The following DENND1B variants were observed in gnomAD, a reference collection of about 807,000 sequenced individuals.
DENND1B encodes the protein DENN domain-containing protein 1B.
Under a neutral mutation model 90.1 loss-of-function variants are expected in DENND1B, and 59 were observed. The observed-to-expected ratio is 0.65, with a 90% CI of 0.53 to 0.81. DENND1B has a LOEUF of 0.81. Ranked by LOEUF, DENND1B falls within the 40% of genes least tolerant of loss-of-function variation. The pLI is 0.00. For missense variants in DENND1B, 862 were observed against 912.6 expected (o/e 0.94, Z 0.71); for synonymous variants, 337 against 324.6 (o/e 1.04, Z -0.41).
chr1:197,670,682 A>G (rs1655414506), intron 5 of DENND1B, among the ~76,000 whole-genome samples: 1 of 152,070 alleles, frequency 6.6e-6, no homozygotes, highest in African/African-American at 2.4e-5. Context: ...TGGTCTTTCC[A>G]TTAGGGCAAA....
At chr1:197,781,110 C>T in the DENND1B span, among the ~76,000 whole-genome samples, 1 of 152,126 alleles carries the variant, frequency 6.6e-6, no homozygotes, top group African/African-American at 2.4e-5. Flanking sequence ...AAATAATAAA[C>T]ACTATTGTAA....
At chr1:197,662,155 T>A (rs1047681122) in intron 5 of DENND1B, among the ~76,000 whole-genome samples, 1 of 152,078 alleles carries the variant, frequency 6.6e-6, no homozygotes, top group South Asian at 2.1e-4. Context: ...GCTTTACCCT[T>A]ATGGGATATT....
intron 20 of DENND1B, among the ~76,000 whole-genome samples, chr1:197,539,178 T>C (rs1400635916): frequency 2.0e-5 from 3 of 152,162 alleles, no homozygotes; most frequent in Admixed American, 6.5e-5. Context: ...TTCGCCTCCT[T>C]CTGCCACTGA....
chr1:197,721,635 T>C (rs1406454857), intron 2 of DENND1B, among the ~76,000 whole-genome samples: 2 of 151,950 alleles, frequency 1.3e-5, no homozygotes, highest in Non-Finnish European at 2.9e-5. Flanking sequence ...TATATATTTA[T>C]AAAAAATATA....
intron 10 of DENND1B, among the ~76,000 whole-genome samples, chr1:197,623,207 T>C (rs936407779): frequency 1.4e-4 from 21 of 151,342 alleles, no homozygotes; most frequent in Admixed American, 2.6e-4. Context: ...CCAAGAAACA[T>C]GTATTAGAGA....
intron 9 of DENND1B, among the ~76,000 whole-genome samples, chr1:197,645,425 C>T (rs1680643819): frequency 6.6e-6 from 1 of 151,930 alleles, no homozygotes. Context: ...TACCTAATTA[C>T]TACAAATGAT....
At chr1:197,741,101 T>C (rs1663171313) in intron 2 of DENND1B, among the ~76,000 whole-genome samples, 1 of 152,190 alleles carries the variant, frequency 6.6e-6, no homozygotes, top group Non-Finnish European at 1.5e-5. Context: ...TTCTCTAGGC[T>C]ACAAAGAGAA....
chr1:197,658,218 T>G, intron 6 of DENND1B, 82 bp downstream of exon 6: 1 of 1,110,344 alleles, frequency 9.0e-7, no homozygotes, highest in Non-Finnish European at 1.4e-6. Context: ...CACAAAACTA[T>G]ACACTTAAAA....
intron 15 of DENND1B, among the ~76,000 whole-genome samples, chr1:197,554,832 CAAAAAAAA>C (rs11440581): frequency 7.2e-5 from 5 of 69,402 alleles, no homozygotes; most frequent in African/African-American, 3.2e-4. Context: ...GACTCCATCT[CAAAAAAAA>C]AAAAAAAAAA....
rs1654292562 is a variant in DENND1B, at chr1:197,660,403, CATCAATCTCAACT to C, written c.297-2047_297-2035del. On this transcript the variant is annotated intron_variant, in intron 5 of 22. Coordinates refer to ENST00000620048, the MANE Select transcript of DENND1B (RefSeq NM_001195215.2). ...AGAGAAAAATATTACACTATCAGGC[CATCAATCTCAACT>C]ATCATATAGCTATAGTCATTCCATA... is the stretch of plus-strand genomic sequence containing the variant. Among the ~76,000 whole-genome samples, 12 of 151,808 alleles carry C rather than the reference CATCAATCTCAACT, an allele frequency of 7.9e-5. No individual in the cohort carries two copies. In the South Asian group the frequency reaches 2.5e-3, roughly 32 times the overall value.
chr1:197,770,821 T>TAAATATATATCTATAAATATATAC (rs1656475124), intron 2 of DENND1B, among the ~76,000 whole-genome samples: 1 of 93,244 alleles, frequency 1.1e-5, no homozygotes, highest in African/African-American at 3.6e-5. Flanking sequence ...AATATATATG[T>TAAATATATATCTATAAATATATAC]AAATATATAT....
At chr1:197,624,546 C>A (rs748809281) in intron 10 of DENND1B, among the ~76,000 whole-genome samples, 23 of 151,594 alleles carry the variant, frequency 1.5e-4, no homozygotes, top group Non-Finnish European at 3.0e-4. Flanking sequence ...AAGTCATGAA[C>A]CATGAAAAAA....
At chr1:197,696,677 T>C (rs1658463162) in intron 3 of DENND1B, among the ~76,000 whole-genome samples, 1 of 151,520 alleles carries the variant, frequency 6.6e-6, no homozygotes, top group Non-Finnish European at 1.5e-5. Context: ...CTTCTTAAAT[T>C]ACCTTGCCTA....
At chr1:197,701,349 T>C (rs768906727) in intron 3 of DENND1B, among the ~76,000 whole-genome samples, 11 of 152,096 alleles carry the variant, frequency 7.2e-5, no homozygotes, top group Non-Finnish European at 1.5e-4. Context: ...AAACACCGTA[T>C]TTTCTCACTT....
chr1:197,716,989 T>C (rs899656111), intron 2 of DENND1B, among the ~76,000 whole-genome samples: 1 of 151,932 alleles, frequency 6.6e-6, no homozygotes, highest in Non-Finnish European at 1.5e-5. Flanking sequence ...AACAAATAAG[T>C]ACATGAAAAC....
chr1:197,550,465 T>C (rs1571841118), intron 16 of DENND1B, among the ~76,000 whole-genome samples: 1 of 152,042 alleles, frequency 6.6e-6, no homozygotes, highest in African/African-American at 2.4e-5. Context: ...ATATACACCA[T>C]GGAATACTAT....
At chr1:197,716,351 A>G (rs1485014602) in intron 2 of DENND1B, among the ~76,000 whole-genome samples, 1 of 151,728 alleles carries the variant, frequency 6.6e-6, no homozygotes, top group African/African-American at 2.4e-5. Flanking sequence ...ATAAAAATCA[A>G]TAATTTAAAA....
Position 197,674,112 on chromosome 1 carries a change from T to C in DENND1B, c.176+8A>G. 6.3e-7 allele frequency: 1 copy of C among 1,581,102 alleles called. No homozygotes were observed. The highest frequency in any genetic ancestry group is 8.7e-7 in the Non-Finnish European group (1 of 1,154,504). On this transcript the variant is annotated splice_region_variant and intron_variant, in intron 4 of 22. Coordinates refer to ENST00000620048, the MANE Select transcript of DENND1B (RefSeq NM_001195215.2). Reference sequence around the variant, plus strand: ...CTACATTTATTTTAAATGATACTTATACTGTACCTTTCAACGTCAAAGGGA... The same window carrying C: ...CTACATTTATTTTAAATGATACTTACACTGTACCTTTCAACGTCAAAGGGA...
chr1:197,583,321 TA>T, intron 14 of DENND1B, 68 bp from the exon 15 acceptor site: 1 of 1,440,240 alleles, frequency 6.9e-7, no homozygotes, highest in Non-Finnish European at 9.7e-7. Flanking sequence ...TCTCTTTAAA[TA>T]GGTATGTGAA....
Sources: gnomAD v4.1 joint callset for allele counts (sites outside exome capture counted in the v4.1 genomes callset) on GRCh38, gnomAD v4.1.1 for gene constraint, MANE v1.5 for transcripts, NCBI Gene and HGNC (gene_info 2026-07-23, HGNC 2026-07-21) for gene names.